The following SLC39A12 variants were observed in gnomAD, a reference collection of about 807,000 sequenced individuals.
SLC39A12 encodes the protein solute carrier family 39 member 12.
In SLC39A12, 63 loss-of-function variants were observed where a neutral mutation model predicts 71.1. The observed-to-expected ratio is 0.89, with a 90% CI of 0.72 to 1.09. SLC39A12 has a LOEUF of 1.09. Ranked by LOEUF, SLC39A12 falls within the 50% of genes least tolerant of loss-of-function variation. SLC39A12 has a pLI of 0.00. For synonymous variants in SLC39A12, 351 were observed against 301.3 expected (o/e 1.16, Z -1.71); for missense variants, 892 against 812.6 (o/e 1.10, Z -1.19).
At chr10:18,023,765 A>T (rs1836599189) in intron 12 of SLC39A12, among the ~76,000 whole-genome samples, 1 of 152,102 alleles carries the variant, frequency 6.6e-6, no homozygotes. Context: ...CATGGCTGAG[A>T]TTCTAGGTTG....
At chr10:17,977,421 T>A (rs1835137142) in intron 4 of SLC39A12, among the ~76,000 whole-genome samples, 1 of 152,138 alleles carries the variant, frequency 6.6e-6, no homozygotes, top group Admixed American at 6.6e-5. Flanking sequence ...TTATGTTTAT[T>A]TCTTCTTTGT....
intron 12 of SLC39A12, among the ~76,000 whole-genome samples, chr10:18,019,873 A>C (rs886767596): frequency 1.3e-5 from 2 of 152,060 alleles, no homozygotes; most frequent in African/African-American, 2.4e-5. Context: ...AGAATTTGCA[A>C]TCTGCTCTTG....
chr10:17,986,282 G>A (rs141719144), intron 6 of SLC39A12, among the ~76,000 whole-genome samples: 3 of 152,282 alleles, frequency 2.0e-5, no homozygotes, highest in Non-Finnish European at 4.4e-5. Flanking sequence ...TTTAGTAAGG[G>A]GTAGTCAGAG....
intron 2 of SLC39A12, among the ~76,000 whole-genome samples, chr10:17,960,134 A>G (rs1834650193): frequency 6.6e-6 from 1 of 152,226 alleles, no homozygotes; most frequent in Non-Finnish European, 1.5e-5. Flanking sequence ...AAATTGTGGG[A>G]AAGTGACTAG....
intron 7 of SLC39A12, 27 bp from the exon 8 acceptor site, chr10:17,991,124 C>A: frequency 1.1e-6 from 1 of 936,866 alleles, no homozygotes; most frequent in Non-Finnish European, 1.5e-6. Flanking sequence ...TTTCTCTCTG[C>A]CTTTTTTTTT....
Position 18,042,956 on chromosome 10 carries a change from A to G in SLC39A12, c.*123A>G, listed in dbSNP as rs1837301571. On this transcript the variant is annotated 3_prime_UTR_variant, in exon 13 of 13. Transcript: ENST00000377369. Reference sequence around the variant, plus strand: ...TCTTAGGCAAAGTGTGTCTCTTTCAATTCATTAACTTATTAATTTTATAAT... The same window carrying G: ...TCTTAGGCAAAGTGTGTCTCTTTCAGTTCATTAACTTATTAATTTTATAAT... 1 of 695,646 alleles carries G rather than the reference A, an allele frequency of 1.4e-6. No individual in the cohort carries two copies. Among genetic ancestry groups the G allele is most frequent in the Non-Finnish European group, 2.1e-6 (1 of 480,368 alleles). 43.1% of individuals were successfully genotyped at this position (695,646 alleles called of 1,614,324 possible).
chr10:17,961,098 G>A (rs564077766), intron 2 of SLC39A12, among the ~76,000 whole-genome samples: 1 of 152,212 alleles, frequency 6.6e-6, no homozygotes, highest in African/African-American at 2.4e-5. Context: ...GCTGAAACCT[G>A]AAAAATGAGG....
intron 2 of SLC39A12, among the ~76,000 whole-genome samples, chr10:17,956,158 G>A (rs561529193): frequency 1.1e-4 from 17 of 152,242 alleles, no homozygotes; most frequent in African/African-American, 3.4e-4. Context: ...AAAATCACAC[G>A]GACATGTGTG....
rs149571343 is a variant in SLC39A12 at position 17,978,007 on chromosome 10, A to T, written c.857A>T (p.Gln286Leu). The T allele has an allele frequency of 2.0e-4, 329 of 1,607,956 alleles. No individual in the cohort carries two copies. The highest frequency in any genetic ancestry group is 2.6e-4 in the Non-Finnish European group (308 of 1,177,794). Residue 286 changes from glutamine to leucine, a missense_variant, in exon 5 of 13, where the codon CAG (glutamine) becomes CTG (leucine). Coordinates refer to ENST00000377369, the MANE Select transcript of SLC39A12 (RefSeq NM_001145195.2). ...CAAAACAACATAATAACCCATGATC[A>T]GGACTATTCTAATTTCTCTTCATCC... is the stretch of plus-strand genomic sequence containing the variant. ...RKQNNIITHD[Q>L]DYSNFSSSME...
intron 5 of SLC39A12, among the ~76,000 whole-genome samples, chr10:17,978,665 T>G (rs908135961): frequency 6.6e-6 from 1 of 152,130 alleles, no homozygotes; most frequent in African/African-American, 2.4e-5. Context: ...TTCTTAACAT[T>G]TAGGGGTTAC....
At chr10:18,035,666 T>A (rs1391554360) in intron 12 of SLC39A12, among the ~76,000 whole-genome samples, 1 of 152,236 alleles carries the variant, frequency 6.6e-6, no homozygotes, top group Admixed American at 6.5e-5. Context: ...TCATTCTCCA[T>A]CCAGCTTTGT....
At chr10:17,968,172 T>C (rs1834881608) in intron 4 of SLC39A12, among the ~76,000 whole-genome samples, 1 of 151,994 alleles carries the variant, frequency 6.6e-6, no homozygotes, top group Admixed American at 6.6e-5. Context: ...TATATAATAC[T>C]ATCTCTAAAT....
At chr10:17,958,119 C>T (rs1159464676) in intron 2 of SLC39A12, among the ~76,000 whole-genome samples, 3 of 152,202 alleles carry the variant, frequency 2.0e-5, no homozygotes, top group African/African-American at 4.8e-5. Context: ...GGACCCTGCT[C>T]TCTGCTGTTC....
intron 4 of SLC39A12, among the ~76,000 whole-genome samples, chr10:17,976,813 T>C (rs979029067): frequency 6.6e-6 from 1 of 152,220 alleles, no homozygotes; most frequent in Non-Finnish European, 1.5e-5. Context: ...ATGTTTGATA[T>C]GCTTCTTGAA....
chr10:18,040,677 G>A (rs1837197737), intron 12 of SLC39A12, among the ~76,000 whole-genome samples: 2 of 150,786 alleles, frequency 1.3e-5, no homozygotes, highest in South Asian at 2.1e-4. Context: ...GCTGAGGTAG[G>A]AGAATCGCCA....
At chr10:18,029,012 G>A (rs1362330884) in intron 12 of SLC39A12, among the ~76,000 whole-genome samples, 1 of 151,722 alleles carries the variant, frequency 6.6e-6, no homozygotes, top group Non-Finnish European at 1.5e-5. Context: ...GAGCCACCAC[G>A]CCCCACCAAA....
chr10:17,999,751 G>C (rs1185137077), intron 10 of SLC39A12, among the ~76,000 whole-genome samples: 3 of 152,148 alleles, frequency 2.0e-5, no homozygotes, highest in African/African-American at 7.2e-5. Flanking sequence ...AGAAAACTTT[G>C]AGAAATTATT....
intron 5 of SLC39A12, among the ~76,000 whole-genome samples, chr10:17,978,940 A>AC (rs1385382173): frequency 6.6e-6 from 1 of 152,158 alleles, no homozygotes; most frequent in Non-Finnish European, 1.5e-5. Flanking sequence ...ACATCCTCAG[A>AC]CCCCAACCCA....
intron 4 of SLC39A12, among the ~76,000 whole-genome samples, chr10:17,971,073 T>G (rs562223250): frequency 1.3e-5 from 2 of 152,214 alleles, no homozygotes; most frequent in South Asian, 4.1e-4. Flanking sequence ...TGATTTTTGT[T>G]GTTTATTTGG....
Sources: gnomAD v4.1 joint callset for allele counts (sites outside exome capture counted in the v4.1 genomes callset) on GRCh38, gnomAD v4.1.1 for gene constraint, MANE v1.5 for transcripts, NCBI Gene and HGNC (gene_info 2026-07-23, HGNC 2026-07-21) for gene names.